The following MAGI3 variants were observed in gnomAD, a reference collection of about 807,000 sequenced individuals.
MAGI3 encodes membrane-associated guanylate kinase, WW and PDZ domain-containing protein 3.
MAGI3 carries 43 observed loss-of-function variants against 121.8 expected under a neutral mutation model. That is an observed-to-expected ratio of 0.35 (90% CI 0.28 to 0.46). The LOEUF is 0.46. MAGI3 is among the 20% of genes least tolerant of loss of function. The pLI is 1.00. For missense variants in MAGI3, 1,547 were observed against 1,797.3 expected (o/e 0.86, Z 2.52); for synonymous variants, 553 against 639.3 (o/e 0.86, Z 2.04).
intron 1 of MAGI3, among the ~76,000 whole-genome samples, chr1:113,510,888 CA>C (rs1452154250): frequency 6.6e-6 from 1 of 152,206 alleles, no homozygotes; most frequent in Non-Finnish European, 1.5e-5. Context: ...TTTTGCCGCT[CA>C]AATGTCCCTT....
intron 1 of MAGI3, among the ~76,000 whole-genome samples, chr1:113,442,177 T>G (rs1347862707): frequency 4.6e-5 from 7 of 152,276 alleles, no homozygotes; most frequent in East Asian, 3.9e-4. Context: ...AGCTTCCAAA[T>G]ATTTGAGAGA....
chr1:113,414,926 G>C (rs1423376895), intron 1 of MAGI3, among the ~76,000 whole-genome samples: 1 of 151,956 alleles, frequency 6.6e-6, no homozygotes, highest in Admixed American at 6.6e-5. Context: ...AAAGACTTTA[G>C]AGTTCCTTTT....
intron 1 of MAGI3, among the ~76,000 whole-genome samples, chr1:113,419,758 AT>A (rs1423481504): frequency 6.6e-6 from 1 of 152,138 alleles, no homozygotes; most frequent in Non-Finnish European, 1.5e-5. Context: ...AACAACATAG[AT>A]TTATTATCTT....
At chr1:113,516,119 T>C (rs558408722) in intron 1 of MAGI3, among the ~76,000 whole-genome samples, 142 of 152,054 alleles carry the variant, frequency 9.3e-4, no homozygotes, top group Non-Finnish European at 1.6e-3. Context: ...TTTAACTTCA[T>C]GTAGGTACAG....
chr1:113,488,182 A>G (rs1656489732), intron 1 of MAGI3, among the ~76,000 whole-genome samples: 1 of 152,124 alleles, frequency 6.6e-6, no homozygotes, highest in South Asian at 2.1e-4. Flanking sequence ...TTCATTGACT[A>G]TTTGGAAAGA....
chr1:113,646,460 C>A, intron 11 of MAGI3, 26 bp from the exon 12 acceptor site: 2 of 1,554,566 alleles, frequency 1.3e-6, no homozygotes, highest in East Asian at 2.3e-5. Context: ...TTAAAAAATA[C>A]TAAGTAAGGC....
At chr1:113,436,131 T>C (rs1015953284) in intron 1 of MAGI3, among the ~76,000 whole-genome samples, 9 of 152,138 alleles carry the variant, frequency 5.9e-5, no homozygotes, top group African/African-American at 2.2e-4. Flanking sequence ...TTATAACATA[T>C]TATAAATTAT....
chr1:113,406,660 C>G (rs1008943250), intron 1 of MAGI3, among the ~76,000 whole-genome samples: 1 of 151,878 alleles, frequency 6.6e-6, no homozygotes, highest in Non-Finnish European at 1.5e-5. Flanking sequence ...GGCTTATAGT[C>G]CCAGCTACTC....
chr1:113,520,430 G>A (rs1475212004), intron 1 of MAGI3, among the ~76,000 whole-genome samples: 1 of 151,954 alleles, frequency 6.6e-6, no homozygotes, highest in Non-Finnish European at 1.5e-5. Context: ...ATAAATATAT[G>A]TTTATAGATT....
At chr1:113,416,328 A>ATGTAATTAAT (rs1652384882) in intron 1 of MAGI3, among the ~76,000 whole-genome samples, 2 of 125,320 alleles carry the variant, frequency 1.6e-5, no homozygotes, top group Non-Finnish European at 3.2e-5. Context: ...GTAATTAATT[A>ATGTAATTAAT]TATATCAATC....
intron 1 of MAGI3, among the ~76,000 whole-genome samples, chr1:113,464,221 G>T (rs1655166412): frequency 1.3e-5 from 2 of 150,978 alleles, no homozygotes; most frequent in Non-Finnish European, 3.0e-5. Flanking sequence ...CCACTTTTTT[G>T]GCTCCCACAT....
intron 8 of MAGI3, among the ~76,000 whole-genome samples, chr1:113,621,466 C>G (rs1650816230): frequency 1.3e-5 from 2 of 152,092 alleles, no homozygotes; most frequent in African/African-American, 4.8e-5. Context: ...GGAGGTCAGA[C>G]AGTACAACTG....
chr1:113,587,150 G>C (rs574589091), intron 4 of MAGI3, among the ~76,000 whole-genome samples: 23 of 152,252 alleles, frequency 1.5e-4, no homozygotes, highest in African/African-American at 5.5e-4. Flanking sequence ...ACTAATCAAA[G>C]TTGGGGAAAT....
chr1:113,631,666 G>C (rs376354060), intron 9 of MAGI3, among the ~76,000 whole-genome samples: 8 of 151,976 alleles, frequency 5.3e-5, no homozygotes, highest in East Asian at 1.9e-4. Context: ...TTGAAAAAAA[G>C]GTCCTGTGTG....
intron 2 of MAGI3, among the ~76,000 whole-genome samples, chr1:113,576,247 A>G (rs866823129): frequency 6.6e-6 from 1 of 152,182 alleles, no homozygotes; most frequent in Non-Finnish European, 1.5e-5. Context: ...AGCTAGCTCA[A>G]TGTCTGCCCA....
intron 2 of MAGI3, among the ~76,000 whole-genome samples, chr1:113,556,141 A>T (rs1051989127): frequency 2.6e-5 from 4 of 152,164 alleles, no homozygotes; most frequent in Non-Finnish European, 5.9e-5. Context: ...CAAATTAGTG[A>T]TCTAAAATTC....
intron 1 of MAGI3, among the ~76,000 whole-genome samples, chr1:113,445,361 G>A (rs1356662981): frequency 3.3e-5 from 5 of 152,150 alleles, no homozygotes; most frequent in Admixed American, 2.6e-4. Context: ...CAGCTACTCA[G>A]GAGGCTGAGG....
chr1:113,400,921 C>A (rs767240485), intron 1 of MAGI3, among the ~76,000 whole-genome samples: 2 of 152,088 alleles, frequency 1.3e-5, no homozygotes, highest in Non-Finnish European at 2.9e-5. Flanking sequence ...GTTTAGACAA[C>A]CTTACTCTAA....
intron 1 of MAGI3, among the ~76,000 whole-genome samples, chr1:113,442,771 A>G (rs1338576664): frequency 6.6e-6 from 1 of 152,064 alleles, no homozygotes; most frequent in Non-Finnish European, 1.5e-5. Context: ...AACTGGCTCC[A>G]TAGCCTTAGT....
Sources: gnomAD v4.1 joint callset for allele counts (sites outside exome capture counted in the v4.1 genomes callset) on GRCh38, gnomAD v4.1.1 for gene constraint, MANE v1.5 for transcripts, NCBI Gene and HGNC (gene_info 2026-07-23, HGNC 2026-07-21) for gene names.